SEMA3A: variants seen among roughly 807,000 people sequenced by gnomAD.
SEMA3A encodes semaphorin 3A.
A neutral mutation model predicts 97.9 loss-of-function variants in SEMA3A; 29 were observed. The ratio of observed to expected loss-of-function variants is 0.30; its 90% CI spans 0.22 to 0.40. The LOEUF (loss-of-function observed/expected upper bound fraction) is 0.40, where lower values mean the gene tolerates loss of function less well. Ranked by LOEUF, SEMA3A falls within the 10% of genes least tolerant of loss-of-function variation. The pLI is 1.00. For missense variants in SEMA3A, 763 were observed against 951.3 expected, an observed-to-expected ratio of 0.80 and a Z score of 2.60; for synonymous variants, 321 against 323.7, an observed-to-expected ratio of 0.99 and a Z score of 0.09.
At chr7:84,340,795 A>AC (rs912977082) in intron 2 of SEMA3A, among the ~76,000 whole-genome samples, 11 of 125,814 alleles carry the variant, frequency 8.7e-5, no homozygotes, top group Non-Finnish European at 1.5e-4. Flanking sequence ...AAAAAAAAAA[A>AC]AAATCAAAAT....
chr7:84,213,793 T>C (rs893212404), intron 3 of SEMA3A, among the ~76,000 whole-genome samples: 6 of 152,232 alleles, frequency 3.9e-5, no homozygotes. Context: ...TATTAATTTA[T>C]TATGCTTGTC....
chr7:84,115,302 T>C (rs1164631831), intron 3 of SEMA3A, among the ~76,000 whole-genome samples: 1 of 152,080 alleles, frequency 6.6e-6, no homozygotes, highest in East Asian at 1.9e-4. Flanking sequence ...TTATTTTACT[T>C]AAATGCTCAT....
At chr7:84,445,804 T>A (rs142440346) in intron 1 of SEMA3A, among the ~76,000 whole-genome samples, 1 of 151,112 alleles carries the variant, frequency 6.6e-6, no homozygotes, top group Non-Finnish European at 1.5e-5. Context: ...TCACAACTTG[T>A]AGATCTAGGA....
chr7:84,123,559 T>A (rs1795695540), intron 3 of SEMA3A, among the ~76,000 whole-genome samples: 1 of 151,314 alleles, frequency 6.6e-6, no homozygotes, highest in Non-Finnish European at 1.5e-5. Flanking sequence ...GAAAATTAAA[T>A]GTAGATGAAT....
chr7:84,299,568 G>T (rs559591649), intron 3 of SEMA3A, among the ~76,000 whole-genome samples: 44 of 151,128 alleles, frequency 2.9e-4, no homozygotes, highest in Non-Finnish European at 5.3e-4. Context: ...TTCAAAAATG[G>T]CTTGATTTCT....
At chr7:84,055,188 C>T (rs1792901172) in intron 5 of SEMA3A, among the ~76,000 whole-genome samples, 1 of 152,140 alleles carries the variant, frequency 6.6e-6, no homozygotes, top group South Asian at 2.1e-4. Context: ...AGAGGTGGAG[C>T]CTACAGAGGC....
chr7:84,202,368 A>C (rs2116299386), intron 3 of SEMA3A, among the ~76,000 whole-genome samples: 1 of 152,324 alleles, frequency 6.6e-6, no homozygotes. Context: ...TTTTAAAAAT[A>C]ATAAATAATA....
chr7:84,009,149 C>T (rs1377414169), intron 9 of SEMA3A, among the ~76,000 whole-genome samples: 1 of 152,180 alleles, frequency 6.6e-6, no homozygotes, highest in Non-Finnish European at 1.5e-5. Context: ...CATTTAATTT[C>T]TATTGAGCCA....
intron 1 of SEMA3A, among the ~76,000 whole-genome samples, chr7:84,448,049 G>C (rs1282961630): frequency 6.6e-6 from 1 of 152,182 alleles, no homozygotes; most frequent in African/African-American, 2.4e-5. Context: ...GCTGTGGTGT[G>C]CCAGACCCCG....
chr7:84,032,066 A>T (rs1273225837), intron 6 of SEMA3A, among the ~76,000 whole-genome samples: 1 of 152,190 alleles, frequency 6.6e-6, no homozygotes, highest in African/African-American at 2.4e-5. Context: ...AGTGAAATAA[A>T]AAGTTAATTT....
At chr7:83,985,295 T>C in intron 13 of SEMA3A, 141 bp downstream of exon 13, 1 of 599,694 alleles carries the variant, frequency 1.7e-6, no homozygotes, top group Non-Finnish European at 2.9e-6. Context: ...TACTAGCTTA[T>C]TGTAAGAATG....
chr7:84,238,365 T>G (rs1799283537), intron 3 of SEMA3A, among the ~76,000 whole-genome samples: 1 of 151,802 alleles, frequency 6.6e-6, no homozygotes, highest in African/African-American at 2.4e-5. Flanking sequence ...TCGTGCCTGG[T>G]GGAATAACCA....
At chr7:84,314,847 A>T (rs538649183) in intron 2 of SEMA3A, among the ~76,000 whole-genome samples, 1 of 152,304 alleles carries the variant, frequency 6.6e-6, no homozygotes, top group African/African-American at 2.4e-5. Flanking sequence ...CTCGATTAGA[A>T]AGTCATTTTT....
At chr7:84,160,214 TATCA>T (rs1189960664) in intron 1 of SEMA3A, among the ~76,000 whole-genome samples, 6 of 148,626 alleles carry the variant, frequency 4.0e-5, no homozygotes, top group African/African-American at 1.5e-4. Context: ...TAAAAAAAAC[TATCA>T]ATCTGTCTAT....
intron 2 of SEMA3A, among the ~76,000 whole-genome samples, chr7:84,133,886 TA>T (rs60263065): frequency 0.033 from 2,606 of 78,844 alleles, 78 homozygotes; most frequent in African/African-American, 0.089. Flanking sequence ...TCGTCTCTAC[TA>T]AAAAAAAAAA....
intron 6 of SEMA3A, among the ~76,000 whole-genome samples, chr7:84,045,258 G>C (rs973630034): frequency 2.6e-5 from 4 of 151,890 alleles, no homozygotes; most frequent in Non-Finnish European, 5.9e-5. Flanking sequence ...ATCTTACTGA[G>C]AACATGACTA....
intron 12 of SEMA3A, among the ~76,000 whole-genome samples, chr7:83,995,217 G>C (rs1282595588): frequency 6.6e-6 from 1 of 152,120 alleles, no homozygotes; most frequent in Non-Finnish European, 1.5e-5. Flanking sequence ...CCCACTGTCT[G>C]GCACTCCCTA....
At chr7:84,056,579 G>C (rs1792986213) in intron 5 of SEMA3A, among the ~76,000 whole-genome samples, 1 of 150,910 alleles carries the variant, frequency 6.6e-6, no homozygotes, top group Admixed American at 6.6e-5. Context: ...GAAACAGAAG[G>C]GGGAAAAAAA....
intron 6 of SEMA3A, among the ~76,000 whole-genome samples, chr7:84,017,581 A>C: frequency 6.6e-6 from 1 of 152,194 alleles, no homozygotes; most frequent in East Asian, 1.9e-4. Context: ...TTTCCAAATA[A>C]AACAGGCCTT....
Sources: gnomAD v4.1 joint callset for allele counts (sites outside exome capture counted in the v4.1 genomes callset) on GRCh38, gnomAD v4.1.1 for gene constraint, MANE v1.5 for transcripts, NCBI Gene and HGNC (gene_info 2026-07-23, HGNC 2026-07-21) for gene names.